BIRC6: variants seen among roughly 807,000 people sequenced by gnomAD.
BIRC6 encodes the protein baculoviral IAP repeat containing 6.
Under a neutral mutation model 503.3 loss-of-function variants are expected in BIRC6, and 98 were observed. That is an observed-to-expected ratio of 0.19 (90% confidence interval 0.17 to 0.23). The LOEUF (loss-of-function observed/expected upper bound fraction) is 0.23, where lower values mean the gene tolerates loss of function less well. BIRC6 is among the 10% of genes least tolerant of loss of function. The probability of loss-of-function intolerance (pLI) is 1.00; values close to 1 mark genes in which losing one functional copy is unlikely to be tolerated. For synonymous variants in BIRC6, 2,240 were observed against 2,078.7 expected (o/e 1.08, Z -2.11); for missense variants, 5,360 against 5,806.0 (o/e 0.92, Z 2.50).
chr2:32,616,864 G>C (rs2063278843), intron 73 of BIRC6, among the ~76,000 whole-genome samples: 1 of 152,172 alleles, frequency 6.6e-6, no homozygotes, highest in Non-Finnish European at 1.5e-5. Flanking sequence ...CAGCTCTTTG[G>C]GAGGCCAAGG....
chr2:32,515,619 C>T lies in BIRC6; in HGVS notation c.11198C>T (p.Ala3733Val). The change falls in exon 55 of 74, where the codon GCA becomes GTA. Residue 3733 changes from alanine (A) to valine (V), a missense_variant. By Grantham distance (64) the Ala-to-Val change is moderately conservative. Transcript: ENST00000421745. Reference protein sequence around the residue: ...GSTSGSHNLGAQQTSARSASL... With the variant: ...GSTSGSHNLGVQQTSARSASL... ...ACTTCTGGAAGCCATAATTTAGGTG[C>T]ACAACAGACCAGTGCAAGATCAGCT... 1 of 1,613,382 alleles carries T rather than the reference C, an allele frequency of 6.2e-7. No individual in the cohort carries two copies. Among genetic ancestry groups the T allele is most frequent in the Non-Finnish European group, 8.5e-7 (1 of 1,179,872 alleles).
chr2:32,440,910 T>TA (rs1190805724), intron 16 of BIRC6, among the ~76,000 whole-genome samples: 1 of 151,974 alleles, frequency 6.6e-6, no homozygotes, highest in Non-Finnish European at 1.5e-5. Flanking sequence ...TAAAGGCACT[T>TA]ACCCATGCTT....
In BIRC6 at chr2:32,575,764, C is replaced by CA. The variant is rs1326948239; in HGVS notation, c.13355+411dup. 3.8e-3 allele frequency among the ~76,000 whole-genome samples: 440 copies of CA among 116,274 alleles called. 3 individuals are homozygous for CA. The highest frequency in any genetic ancestry group is 0.02 in the South Asian group (75 of 3,812). The allele number at this position is 116,274 out of a possible 152,430, so 76.3% of individuals were successfully genotyped here. On this transcript the variant is annotated intron_variant, in intron 66 of 73. Transcript: ENST00000421745. ...TGGGTGACAGAGCGAGACTCCGTCT[C>CA]AAAAAAAAAAAAAGAAAGAAACATG...
At chr2:32,580,073 C>A (rs2060566419) in intron 66 of BIRC6, among the ~76,000 whole-genome samples, 1 of 151,806 alleles carries the variant, frequency 6.6e-6, no homozygotes, top group Middle Eastern at 3.4e-3. Flanking sequence ...CTTGCTTCAG[C>A]CTCCCGAGTA....
intron 12 of BIRC6, among the ~76,000 whole-genome samples, chr2:32,431,376 G>C (rs2044102841): frequency 1.3e-5 from 2 of 150,970 alleles, no homozygotes; most frequent in Admixed American, 1.3e-4. Flanking sequence ...TTGTATTTTA[G>C]GTAGAGATGG....
intron 43 of BIRC6, among the ~76,000 whole-genome samples, chr2:32,491,067 T>A (rs1296861568): frequency 6.6e-6 from 1 of 152,222 alleles, no homozygotes; most frequent in Non-Finnish European, 1.5e-5. Context: ...TTTAGAAAAC[T>A]TGATTAAAGT....
intron 3 of BIRC6, among the ~76,000 whole-genome samples, chr2:32,380,549 A>T (rs912261403): frequency 6.6e-6 from 1 of 152,220 alleles, no homozygotes; most frequent in Admixed American, 6.5e-5. Flanking sequence ...CAACATGGCG[A>T]AACCCCATCT....
chr2:32,484,198 G>C (rs1387399173), intron 39 of BIRC6, among the ~76,000 whole-genome samples: 1 of 152,072 alleles, frequency 6.6e-6, no homozygotes, highest in African/African-American at 2.4e-5. Flanking sequence ...TTTTTTGGGG[G>C]CTGGGGAGCA....
Position 32,575,271 on chromosome 2 carries a change from T to C in BIRC6, c.13260T>C (p.Gly4420=). The C allele has an allele frequency of 6.2e-7, 1 of 1,613,860 alleles. No homozygotes were observed. Among genetic ancestry groups the C allele is most frequent in the Non-Finnish European group, 8.5e-7 (1 of 1,179,856 alleles). Residue 4420 remains glycine (G), a synonymous_variant, in exon 66 of 74, where the codon GGT becomes GGC. Coordinates refer to ENST00000421745, the MANE Select transcript of BIRC6 (RefSeq NM_016252.4). ...PLLLPLSTEN[G]EEEEEQSECQ... ...TGTTGCCCCTTTCTACAGAGAACGGTGAAGAGGAAGAAGAACAGTCAGAAT... is the reference window on the plus strand; with the variant it reads ...TGTTGCCCCTTTCTACAGAGAACGGCGAAGAGGAAGAAGAACAGTCAGAAT...
At chr2:32,435,399 A>G in intron 13 of BIRC6, 97 bp from the exon 14 acceptor site, 2 of 1,286,038 alleles carry the variant, frequency 1.6e-6, no homozygotes, top group Non-Finnish European at 2.0e-6. Flanking sequence ...TTTTTCAGGC[A>G]CATAAATCAT....
In BIRC6 at chr2:32,465,129, C is replaced by A. The variant is rs1217156417; in HGVS notation, c.5321C>A (p.Pro1774His). 6.2e-7 allele frequency: 1 copy of A among 1,601,300 alleles called. No homozygotes were observed. Among genetic ancestry groups the A allele is most frequent in the Admixed American group, 1.7e-5 (1 of 59,300 alleles). The part of the protein sequence containing the change: ...SHASHFLQPP[P>H]HQSIIIERMH... ...GCTTCACATTTTCTTCAACCTCCGCCTCACCAGTCCATTATTATAGAGCGA... is the reference window on the plus strand; with the variant it reads ...GCTTCACATTTTCTTCAACCTCCGCATCACCAGTCCATTATTATAGAGCGA... Residue 1774 changes from proline (P) to histidine (H), a missense_variant, in exon 26 of 74, where the codon CCT becomes CAT. Transcript: ENST00000421745.
Position 32,377,112 on chromosome 2 carries a change from G to T in BIRC6, c.326-476G>T, listed in dbSNP as rs571181982. Among the ~76,000 whole-genome samples, 557 of 152,126 alleles carry T rather than the reference G, an allele frequency of 3.7e-3. 3 individuals carry two copies. The highest frequency in any genetic ancestry group is 0.013 in the African/African-American group (526 of 41,510). ...TTCATTTTGCACTTACAGAAAAATT[G>T]CAAGAATAGAATGTTACAAAGAACT... On this transcript the variant is annotated intron_variant, in intron 1 of 73. Coordinates refer to ENST00000421745, the MANE Select transcript of BIRC6 (RefSeq NM_016252.4).
chr2:32,540,084 A>T (rs1411444074), intron 61 of BIRC6, among the ~76,000 whole-genome samples: 2 of 152,088 alleles, frequency 1.3e-5, no homozygotes, highest in African/African-American at 4.8e-5. Flanking sequence ...TCAGTAGAAG[A>T]AGTGCATGTA....
rs186797163 is a variant in BIRC6 at position 32,530,556 on chromosome 2, A to G, written c.12094+732A>G. Among the ~76,000 whole-genome samples the G allele has an allele frequency of 3.9e-5, 6 of 152,210 alleles. No individual in the cohort carries two copies. In the East Asian group the frequency reaches 5.8e-4, roughly 15 times the overall value. On this transcript the variant is annotated intron_variant, in intron 60 of 73. Coordinates refer to ENST00000421745, the MANE Select transcript of BIRC6 (RefSeq NM_016252.4). Reference sequence around the variant, plus strand: ...TTGAATATCCATTTTTGAATTGGCTATTTTTTCATAAAAATGTAAGAAAAT... The same window carrying G: ...TTGAATATCCATTTTTGAATTGGCTGTTTTTTCATAAAAATGTAAGAAAAT...
chr2:32,544,176 C>T (rs1002420933), intron 62 of BIRC6, among the ~76,000 whole-genome samples: 6 of 151,960 alleles, frequency 3.9e-5, no homozygotes, highest in Admixed American at 6.5e-5. Flanking sequence ...ATGGAAAAAA[C>T]GTACTAAAAA....
chr2:32,531,509 T>A lies in BIRC6; in HGVS notation c.12249T>A (p.Ile4083=). The A allele has an allele frequency of 6.2e-7, 1 of 1,613,584 alleles. No homozygotes were observed. The stretch of plus-strand genomic sequence containing the variant: ...CAGGAATGGGTGGACTGGCTCTTAT[T>A]GCTGAAAGACTACCCATGCTATATC... The part of the protein sequence containing the change: ...VFAGMGGLAL[I]AERLPMLYPE... The change falls in exon 61 of 74, where the codon ATT becomes ATA. Residue 4083 remains isoleucine (I), a synonymous_variant. Coordinates refer to ENST00000421745, the MANE Select transcript of BIRC6 (RefSeq NM_016252.4).
At chr2:32,441,253 T>C in intron 16 of BIRC6, 76 bp from the exon 17 acceptor site, 1 of 1,113,770 alleles carries the variant, frequency 9.0e-7, no homozygotes, top group Non-Finnish European at 1.3e-6. Flanking sequence ...TATTTTCCTT[T>C]ATTTTATAAC....
chr2:32,578,987 T>TATAC (rs1473139789), intron 66 of BIRC6, among the ~76,000 whole-genome samples: 2 of 134,874 alleles, frequency 1.5e-5, no homozygotes, highest in East Asian at 2.0e-4. Context: ...CTAATATATA[T>TATAC]ATACACTTAA....
intron 65 of BIRC6, among the ~76,000 whole-genome samples, chr2:32,570,961 CTTATTTTATT>C (rs559473048): frequency 3.3e-5 from 5 of 151,960 alleles, no homozygotes; most frequent in Admixed American, 6.6e-5. Context: ...TCACATCTGG[CTTATTTTATT>C]TTATTTTATT....
Sources: allele counts gnomAD v4.1 joint callset (sites outside exome capture counted in the v4.1 genomes callset), GRCh38; gene constraint gnomAD v4.1.1; transcripts MANE v1.5; gene names NCBI Gene and HGNC (gene_info 2026-07-23, HGNC 2026-07-21).